The following SETD5 variants were observed in gnomAD, a reference collection of about 807,000 sequenced individuals.
SETD5 encodes SET domain containing 5.
In SETD5, 44 loss-of-function variants were observed where a neutral mutation model predicts 153.3. The ratio of observed to expected loss-of-function variants is 0.29; its 90% CI spans 0.23 to 0.37. The LOEUF is 0.37. Among genes scored for constraint, SETD5 ranks in the 10% least tolerant of loss-of-function variants. The probability of loss-of-function intolerance (pLI) is 1.00; values close to 1 mark genes in which losing one functional copy is unlikely to be tolerated. For synonymous variants in SETD5, 716 were observed against 645.2 expected (o/e 1.11, Z -1.66); for missense variants, 1,544 against 1,768.0 (o/e 0.87, Z 2.27).
rs3217597 is a variant in SETD5, at chr3:9,447,650, A to ATTTC, written c.1783-34_1783-31dup. 0.043 allele frequency: 68,365 copies of ATTTC among 1,591,470 alleles called. 2,548 individuals are homozygous for ATTTC. The highest frequency in any genetic ancestry group is 0.15 in the Admixed American group (8,797 of 57,356). On this transcript the variant is annotated intron_variant, in intron 14 of 22. Transcript: ENST00000402198. ...AAATTAGACTGTTTGCTGATAAAAC[A>ATTTC]TTTCTGGTAAGCATCTGACCCTACT...
chr3:9,457,281 G>A (rs2043373325), intron 17 of SETD5, among the ~76,000 whole-genome samples: 1 of 152,116 alleles, frequency 6.6e-6, no homozygotes, highest in South Asian at 2.1e-4. Context: ...AAGGTCAGGA[G>A]ATCGAGACCA....
chr3:9,446,049 A>T (rs1342728776), intron 13 of SETD5, among the ~76,000 whole-genome samples: 2 of 127,466 alleles, frequency 1.6e-5, no homozygotes, highest in Non-Finnish European at 3.2e-5. Flanking sequence ...GCACTTTGGG[A>T]GGGCGAGGTG....
intron 1 of SETD5, among the ~76,000 whole-genome samples, chr3:9,406,194 C>T (rs1462498781): frequency 1.3e-5 from 2 of 152,056 alleles, no homozygotes; most frequent in Non-Finnish European, 2.9e-5. Context: ...ATTATGGTAA[C>T]ATTTGGGGTA....
At chr3:9,403,121 T>C (rs1184806423) in intron 1 of SETD5, among the ~76,000 whole-genome samples, 1 of 152,136 alleles carries the variant, frequency 6.6e-6, no homozygotes, top group Non-Finnish European at 1.5e-5. Flanking sequence ...TGGGAGATTA[T>C]TCAGTTTGGC....
In SETD5 at chr3:9,445,272, A is replaced by C. The variant is rs546885301; in HGVS notation, c.1412A>C (p.Glu471Ala). 6.2e-7 allele frequency: 1 copy of C among 1,607,958 alleles called. No individual in the cohort carries two copies. The highest frequency in any genetic ancestry group is 8.5e-7 in the Non-Finnish European group (1 of 1,176,752). The change falls in exon 12 of 23, where the codon GAA becomes GCA. Residue 471 changes from glutamate to alanine, a missense_variant. Physicochemically the swap from Glu to Ala is moderately radical, Grantham distance 107. Coordinates refer to ENST00000402198, the MANE Select transcript of SETD5 (RefSeq NM_001080517.3). Reference sequence around the variant, plus strand: ...GACCAGCAATCACAAGAAGTTCCAGAAAAAGTAACTGTATCCAGTGATCAT... The same window carrying C: ...GACCAGCAATCACAAGAAGTTCCAGCAAAAGTAACTGTATCCAGTGATCAT... ...NNDQQSQEVP[E>A]KVTVSSDHEE... is the part of the protein sequence containing the mutation.
At chr3:9,432,951 G>T (rs867683148) in intron 3 of SETD5, among the ~76,000 whole-genome samples, 1 of 152,180 alleles carries the variant, frequency 6.6e-6, no homozygotes, top group African/African-American at 2.4e-5. Flanking sequence ...TTTGGAGTCA[G>T]ACAGACTTTG....
chr3:9,443,937 C>T (rs1229513541), intron 11 of SETD5, among the ~76,000 whole-genome samples: 3 of 152,174 alleles, frequency 2.0e-5, no homozygotes, highest in African/African-American at 7.2e-5. Flanking sequence ...CGGCACACGC[C>T]TGTAGTCCCA....
rs368632604 is a variant in SETD5, at chr3:9,397,651, T to TGCCGCCGCC, written c.-476_-468dup. The TGCCGCCGCC allele has an allele frequency of 4.6e-3, 788 of 172,366 alleles. 5 individuals are homozygous for TGCCGCCGCC. Among genetic ancestry groups the TGCCGCCGCC allele is most frequent in the African/African-American group, 0.012 (508 of 40,696 alleles). 10.7% of individuals were successfully genotyped at this position (172,366 alleles called of 1,614,324 possible). ...CGCTCGGGCAGCGGGCTGAGTGAGC[T>TGCCGCCGCC]GCCGCCGCCGCCGCCGCCGCCGCCG... On this transcript the variant is annotated 5_prime_UTR_variant, in exon 1 of 23. Transcript: ENST00000402198.
intron 10 of SETD5, 137 bp downstream of exon 10, chr3:9,442,382 A>G (rs2041400628): frequency 1.5e-6 from 1 of 670,602 alleles, no homozygotes; most frequent in African/African-American, 1.8e-5. Context: ...GGTGAAAAAC[A>G]AAAGTAATGG....
chr3:9,477,282 G>C lies in SETD5; in HGVS notation c.*1191G>C, dbSNP rs2045903483. On this transcript the variant is annotated 3_prime_UTR_variant, in exon 23 of 23. Coordinates refer to ENST00000402198, the MANE Select transcript of SETD5 (RefSeq NM_001080517.3). The stretch of plus-strand genomic sequence containing the variant: ...GCATTGTGCCTGTTGTACACCCCTG[G>C]AGGAGCCCTGGAGCCAGCCCAGGTG... The C allele has an allele frequency of 6.5e-6, 1 of 152,680 alleles. No homozygotes were observed. The highest frequency in any genetic ancestry group is 2.1e-4 in the South Asian group (1 of 4,836). The allele number at this position is 152,680 out of a possible 1,614,324, so 9.5% of individuals were successfully genotyped here. A position where few individuals can be genotyped will look rare whatever the true frequency, so the allele number is the denominator to read the frequency against.
intron 7 of SETD5, among the ~76,000 whole-genome samples, chr3:9,436,539 TTTAAAG>T: frequency 6.6e-6 from 1 of 152,344 alleles, no homozygotes; most frequent in East Asian, 1.9e-4. Flanking sequence ...AATCTGCAAC[TTTAAAG>T]TTTTTTTTTA....
intron 16 of SETD5, among the ~76,000 whole-genome samples, chr3:9,452,057 C>A (rs140782272): frequency 1.2e-4 from 19 of 152,188 alleles, no homozygotes; most frequent in African/African-American, 4.6e-4. Context: ...TACAACAGAA[C>A]CTGGAGGAGT....
At chr3:9,400,846 A>C (rs557865875) in intron 1 of SETD5, among the ~76,000 whole-genome samples, 1 of 152,196 alleles carries the variant, frequency 6.6e-6, no homozygotes, top group Non-Finnish European at 1.5e-5. Context: ...ACAACTCCTG[A>C]ACATTAGGAT....
chr3:9,459,268 AAAT>A (rs2043636539), intron 17 of SETD5, among the ~76,000 whole-genome samples: 1 of 152,206 alleles, frequency 6.6e-6, no homozygotes, highest in Non-Finnish European at 1.5e-5. Context: ...TATAGGTTAA[AAAT>A]AATCTGAATT....
intron 1 of SETD5, among the ~76,000 whole-genome samples, chr3:9,398,802 T>C (rs772392825): frequency 1.3e-5 from 2 of 151,872 alleles, no homozygotes; most frequent in Non-Finnish European, 2.9e-5. Flanking sequence ...AGAGGGAAAG[T>C]TAAACTGTTG....
At chr3:9,474,317 T>G (rs1280848929) in intron 20 of SETD5, 132 bp from the exon 21 acceptor site, 3 of 957,998 alleles carry the variant, frequency 3.1e-6, no homozygotes, top group Non-Finnish European at 4.5e-6. Flanking sequence ...AGGAAATACG[T>G]TGTTTTAAAT....
intron 1 of SETD5, among the ~76,000 whole-genome samples, chr3:9,400,660 A>T (rs529249407): frequency 6.6e-6 from 1 of 152,318 alleles, no homozygotes; most frequent in South Asian, 2.1e-4. Context: ...GACTTATAAG[A>T]TTGATTCATT....
chr3:9,415,969 C>T (rs1353207195), intron 1 of SETD5, among the ~76,000 whole-genome samples: 1 of 151,204 alleles, frequency 6.6e-6, no homozygotes, highest in East Asian at 1.9e-4. Flanking sequence ...ACCCACCGAG[C>T]TCAAGCCATC....
chr3:9,437,436 T>A (rs2040705822), intron 7 of SETD5, among the ~76,000 whole-genome samples: 1 of 152,076 alleles, frequency 6.6e-6, no homozygotes, highest in South Asian at 2.1e-4. Context: ...GTATGTGGAA[T>A]GGTTTAAAAG....
Sources: gnomAD v4.1 joint callset for allele counts (sites outside exome capture counted in the v4.1 genomes callset) on GRCh38, gnomAD v4.1.1 for gene constraint, MANE v1.5 for transcripts, NCBI Gene and HGNC (gene_info 2026-07-23, HGNC 2026-07-21) for gene names.